Variants in C4orf17 observed in about 807,000 individuals in gnomAD.
The protein encoded by C4orf17 is chromosome 4 open reading frame 17, also known as uncharacterized protein C4orf17.
A neutral mutation model predicts 32.0 loss-of-function variants in C4orf17; 25 were observed. That is an observed-to-expected ratio of 0.78 (90% confidence interval 0.57 to 1.09). The LOEUF (loss-of-function observed/expected upper bound fraction) is 1.09, where lower values mean the gene tolerates loss of function less well. Among genes scored for constraint, C4orf17 ranks in the 50% least tolerant of loss-of-function variants. The pLI is 0.00. For missense variants in C4orf17, 420 were observed against 420.0 expected (o/e 1.00, Z 0.00); for synonymous variants, 149 against 145.8 (o/e 1.02, Z -0.16).
At chr4:99,528,415 T>C (rs1214775473) in intron 4 of C4orf17, among the ~76,000 whole-genome samples, 3 of 152,216 alleles carry the variant, frequency 2.0e-5, no homozygotes, top group Non-Finnish European at 2.9e-5. Flanking sequence ...TTCTAATATA[T>C]GTATTTTAAA....
chr4:99,540,509 C>A, intron 8 of C4orf17, 54 bp downstream of exon 8: 1 of 1,145,792 alleles, frequency 8.7e-7, no homozygotes, highest in Non-Finnish European at 1.3e-6. Context: ...CCAGTAAGTA[C>A]TAATGACTCA....
At chr4:99,540,661 A>G in intron 8 of C4orf17, 1 of 487,474 alleles carries the variant, frequency 2.1e-6, no homozygotes, top group South Asian at 2.9e-5. Context: ...GTGCCTGATC[A>G]TGGACAGACA....
At chr4:99,521,756 A>G (rs1275776696) in intron 2 of C4orf17, among the ~76,000 whole-genome samples, 3 of 152,186 alleles carry the variant, frequency 2.0e-5, no homozygotes, top group Non-Finnish European at 4.4e-5. Flanking sequence ...TAACTCATTG[A>G]TTAACAGAAA....
At chr4:99,524,797 C>G (rs943585773) in intron 4 of C4orf17, among the ~76,000 whole-genome samples, 4 of 152,204 alleles carry the variant, frequency 2.6e-5, no homozygotes, top group African/African-American at 9.6e-5. Context: ...CCACTGCAGT[C>G]AAGAGAATGC....
At chr4:99,528,783 G>C (rs1723431840) in intron 4 of C4orf17, among the ~76,000 whole-genome samples, 1 of 152,126 alleles carries the variant, frequency 6.6e-6, no homozygotes, top group Non-Finnish European at 1.5e-5. Context: ...CATGGGAATG[G>C]TATGGGGGAA....
intron 5 of C4orf17, among the ~76,000 whole-genome samples, chr4:99,534,045 G>A (rs1332436605): frequency 6.6e-6 from 1 of 152,136 alleles, no homozygotes; most frequent in African/African-American, 2.4e-5. Context: ...ACAGGTAAAT[G>A]TATGCCCTGG....
rs765136484 is a variant in C4orf17 at position 99,542,051 on chromosome 4, T to C, written c.1022T>C (p.Ile341Thr). The C allele has an allele frequency of 5.0e-6, 8 of 1,614,110 alleles. No homozygotes were observed. The highest frequency in any genetic ancestry group is 5.9e-6 in the Non-Finnish European group (7 of 1,179,984). Residue 341 changes from isoleucine to threonine, a missense_variant, in exon 9 of 9, where the codon ATA becomes ACA. Ile to Thr is a moderately conservative substitution (Grantham distance 89, BLOSUM62 -1). Transcript: ENST00000326581. ...GSAKPVSARS[I>T]QEYNLCPQRA... is the part of the protein sequence containing the mutation. ...GCAAAACCAGTGTCAGCAAGGAGTA[T>C]ACAAGAATACAACCTCTGTCCCCAA...
intron 4 of C4orf17, among the ~76,000 whole-genome samples, chr4:99,526,963 C>T (rs923431644): frequency 4.0e-5 from 6 of 151,862 alleles, no homozygotes; most frequent in Non-Finnish European, 7.4e-5. Context: ...TTGACTTTGG[C>T]TCCTATCTTT....
intron 4 of C4orf17, among the ~76,000 whole-genome samples, chr4:99,528,831 C>A (rs916577078): frequency 2.6e-5 from 4 of 152,084 alleles, no homozygotes; most frequent in Non-Finnish European, 4.4e-5. Context: ...CCAGATCCTG[C>A]CCTTGACATA....
intron 2 of C4orf17, among the ~76,000 whole-genome samples, chr4:99,514,062 A>T (rs1169976178): frequency 6.6e-6 from 1 of 152,028 alleles, no homozygotes; most frequent in Non-Finnish European, 1.5e-5. Flanking sequence ...ATCTAAATAG[A>T]CCCTCACACC....
chr4:99,513,321 G>T (rs1723127547), intron 2 of C4orf17, 113 bp downstream of exon 2: 26 of 1,349,060 alleles, frequency 1.9e-5, no homozygotes, highest in Non-Finnish European at 2.4e-5. Context: ...CACTGGAGAG[G>T]TATGGGAATT....
intron 5 of C4orf17, among the ~76,000 whole-genome samples, chr4:99,535,201 A>T (rs1196291283): frequency 6.6e-6 from 1 of 152,066 alleles, no homozygotes; most frequent in African/African-American, 2.4e-5. Flanking sequence ...GGAGAATCTG[A>T]CGATGATGTA....
intron 6 of C4orf17, among the ~76,000 whole-genome samples, chr4:99,538,332 A>G (rs72681972): frequency 6.6e-6 from 1 of 152,344 alleles, no homozygotes; most frequent in Non-Finnish European, 1.5e-5. Flanking sequence ...GTTGATCATC[A>G]GACTGACTGA....
chr4:99,525,933 T>G (rs1042060447), intron 4 of C4orf17, among the ~76,000 whole-genome samples: 2 of 152,238 alleles, frequency 1.3e-5, no homozygotes, highest in Non-Finnish European at 2.9e-5. Context: ...TATTTTGATG[T>G]GTCTTTAAAA....
intron 3 of C4orf17, 48 bp downstream of exon 3, chr4:99,522,757 A>T: frequency 6.8e-7 from 1 of 1,476,920 alleles, no homozygotes; most frequent in Non-Finnish European, 9.4e-7. Flanking sequence ...CCTCCTGCAA[A>T]CAAGGCTGTG....
chr4:99,537,808 A>C (rs1723586509), intron 6 of C4orf17, 58 bp downstream of exon 6: 4 of 1,180,570 alleles, frequency 3.4e-6, no homozygotes, highest in Admixed American at 3.4e-5. Flanking sequence ...AGAAACTGGG[A>C]ATATGCCAAT....
Position 99,528,352 on chromosome 4 carries a change from CTCTT to C in C4orf17, c.403-1459_403-1456del, listed in dbSNP as rs538907752. On this transcript the variant is annotated intron_variant, in intron 4 of 8. Coordinates refer to ENST00000326581, the MANE Select transcript of C4orf17 (RefSeq NM_032149.3). The stretch of plus-strand genomic sequence containing the variant: ...ATTAATTTCTGCTGTTATTAGTTTT[CTCTT>C]TCTATTACATACTTTATCTTATTGC... 6.2e-3 allele frequency among the ~76,000 whole-genome samples: 939 copies of C among 152,080 alleles called. 7 individuals carry two copies. The highest frequency in any genetic ancestry group is 0.02 in the African/African-American group (838 of 41,512).
At chr4:99,514,485 C>A (rs758309838) in intron 2 of C4orf17, among the ~76,000 whole-genome samples, 33 of 151,934 alleles carry the variant, frequency 2.2e-4, no homozygotes, top group Non-Finnish European at 3.8e-4. Flanking sequence ...CTACAGACAG[C>A]CAACAAATGT....
chr4:99,522,946 G>A (rs1723319150), intron 3 of C4orf17, among the ~76,000 whole-genome samples: 1 of 152,100 alleles, frequency 6.6e-6, no homozygotes, highest in African/African-American at 2.4e-5. Flanking sequence ...ATTTGGTGTG[G>A]TCCTAGTCTT....
Sources: allele counts gnomAD v4.1 joint callset (sites outside exome capture counted in the v4.1 genomes callset), GRCh38; gene constraint gnomAD v4.1.1; transcripts MANE v1.5; gene names NCBI Gene and HGNC (gene_info 2026-07-23, HGNC 2026-07-21).